The following ZNF536 variants were observed in gnomAD, a reference collection of about 807,000 sequenced individuals.
ZNF536 encodes zinc finger protein 536.
In ZNF536, 13 loss-of-function variants were observed where a neutral mutation model predicts 84.5. The ratio of observed to expected loss-of-function variants is 0.15; its 90% confidence interval spans 0.10 to 0.24. The LOEUF (loss-of-function observed/expected upper bound fraction) is 0.24. ZNF536 is among the 10% of genes least tolerant of loss of function. ZNF536 has a pLI of 1.00. For missense variants in ZNF536, 1,536 were observed against 1,747.5 expected, an observed-to-expected ratio of 0.88 and a Z score of 2.16; for synonymous variants, 811 against 742.5, an observed-to-expected ratio of 1.09 and a Z score of -1.50.
At chr19:30,276,187 A>G (rs1166801219) in intron 1 of ZNF536, among the ~76,000 whole-genome samples, 1 of 152,170 alleles carries the variant, frequency 6.6e-6, no homozygotes, top group Non-Finnish European at 1.5e-5. Context: ...AGGGGACACC[A>G]AGTGTTTCAG....
chr19:30,656,559 T>G (rs544403459), intron 1 of ZNF536, among the ~76,000 whole-genome samples: 2 of 152,290 alleles, frequency 1.3e-5, no homozygotes, highest in East Asian at 3.9e-4. Context: ...ACCGGAGCAG[T>G]GAGGTTAGTT....
At chr19:30,631,385 C>A (rs1319218079) in intron 1 of ZNF536, among the ~76,000 whole-genome samples, 4 of 152,174 alleles carry the variant, frequency 2.6e-5, no homozygotes, top group East Asian at 1.9e-4. Context: ...ATCCTGCAGG[C>A]CGAGAGGCTG....
At chr19:30,515,573 A>G (rs1467645494) in intron 2 of ZNF536, among the ~76,000 whole-genome samples, 3 of 152,174 alleles carry the variant, frequency 2.0e-5, no homozygotes, top group Admixed American at 1.3e-4. Context: ...CAGCAGCAGG[A>G]AGGCACCTCA....
chr19:30,697,841 A>G (rs556024545), intron 1 of ZNF536, among the ~76,000 whole-genome samples: 2 of 152,252 alleles, frequency 1.3e-5, no homozygotes, highest in African/African-American at 4.8e-5. Context: ...TCGTGTCAAC[A>G]GAAGTTAAGT....
At chr19:30,237,548 G>A (rs988756429) in intron 1 of ZNF536, among the ~76,000 whole-genome samples, 3 of 152,154 alleles carry the variant, frequency 2.0e-5, no homozygotes, top group African/African-American at 2.4e-5. Context: ...CTGGACTGTG[G>A]GGGCCAAGGC....
At chr19:30,449,493 A>C (rs780106840) in intron 2 of ZNF536, among the ~76,000 whole-genome samples, 110 of 152,206 alleles carry the variant, frequency 7.2e-4, no homozygotes, top group Non-Finnish European at 1.1e-3. Flanking sequence ...AATCACACTC[A>C]GAATAATTAA....
intron 3 of ZNF536, among the ~76,000 whole-genome samples, chr19:30,364,956 A>G (rs930959993): frequency 6.6e-6 from 1 of 152,208 alleles, no homozygotes; most frequent in East Asian, 1.9e-4. Context: ...GTAAAATGTT[A>G]GTTTGTTCAA....
At chr19:30,546,476 C>T (rs1013997836) in intron 3 of ZNF536, among the ~76,000 whole-genome samples, 1 of 152,182 alleles carries the variant, frequency 6.6e-6, no homozygotes, top group Admixed American at 6.5e-5. Context: ...AGGGTAACCA[C>T]GGTTCTGGCA....
intron 1 of ZNF536, among the ~76,000 whole-genome samples, chr19:30,704,435 T>C (rs539039644): frequency 1.3e-5 from 2 of 151,548 alleles, no homozygotes; most frequent in Admixed American, 6.6e-5. Context: ...TCACCTGAGG[T>C]CAGGAGTTCG....
chr19:30,311,169 T>C (rs940383582), intron 2 of ZNF536, among the ~76,000 whole-genome samples: 3 of 152,260 alleles, frequency 2.0e-5, no homozygotes, highest in African/African-American at 7.2e-5. Context: ...CTGTGCTTCC[T>C]GGGGCTGTGT....
intron 2 of ZNF536, among the ~76,000 whole-genome samples, chr19:30,342,397 C>A (rs932938839): frequency 2.6e-5 from 4 of 152,220 alleles, no homozygotes; most frequent in African/African-American, 9.6e-5. Context: ...AAGATATTTT[C>A]TTGAGATCAT....
chr19:30,242,506 G>A (rs1355706871), intron 1 of ZNF536, among the ~76,000 whole-genome samples: 2 of 152,154 alleles, frequency 1.3e-5, no homozygotes, highest in Non-Finnish European at 2.9e-5. Context: ...TCTTTCCTAC[G>A]CATGGCTGCA....
At chr19:30,543,361 G>T (rs1349460838) in intron 3 of ZNF536, among the ~76,000 whole-genome samples, 2 of 152,210 alleles carry the variant, frequency 1.3e-5, no homozygotes, top group Non-Finnish European at 2.9e-5. Flanking sequence ...TCAGTAGATG[G>T]GACTCATTTA....
chr19:30,542,243 C>T (rs2045359902), intron 3 of ZNF536, among the ~76,000 whole-genome samples: 1 of 152,168 alleles, frequency 6.6e-6, no homozygotes, highest in Admixed American at 6.5e-5. Context: ...TCTAGAATAA[C>T]TCCCTGGAAC....
chr19:30,428,351 C>T (rs2051303635), intron 1 of ZNF536, among the ~76,000 whole-genome samples: 1 of 152,186 alleles, frequency 6.6e-6, no homozygotes, highest in Non-Finnish European at 1.5e-5. Flanking sequence ...CTCATCTTCC[C>T]AGGTACATTA....
chr19:30,354,632 A>T (rs1239911279), intron 3 of ZNF536, among the ~76,000 whole-genome samples: 1 of 152,234 alleles, frequency 6.6e-6, no homozygotes, highest in African/African-American at 2.4e-5. Flanking sequence ...ACATAAAGGT[A>T]GGGAGATTTT....
chr19:30,609,773 C>CCTATCCATCCACCCATCTACCCATCCAT (rs2048025141), intron 1 of ZNF536, among the ~76,000 whole-genome samples: 1 of 136,752 alleles, frequency 7.3e-6, no homozygotes, highest in Admixed American at 7.2e-5. Context: ...CACCCATCTA[C>CCTATCCATCCACCCATCTACCCATCCAT]CCATCCATCC....
chr19:30,250,317 C>T (rs910057197), intron 1 of ZNF536, among the ~76,000 whole-genome samples: 2 of 152,158 alleles, frequency 1.3e-5, no homozygotes, highest in Admixed American at 6.5e-5. Context: ...TTGTTGACGC[C>T]GAGGTCTGTG....
At chr19:30,456,551 G>A (rs1464589647) in intron 2 of ZNF536, among the ~76,000 whole-genome samples, 3 of 151,994 alleles carry the variant, frequency 2.0e-5, no homozygotes, top group Admixed American at 6.5e-5. Flanking sequence ...AAATCCCCTC[G>A]TAAGATTGTA....
Sources: allele counts gnomAD v4.1 joint callset (sites outside exome capture counted in the v4.1 genomes callset), GRCh38; gene constraint gnomAD v4.1.1; transcripts MANE v1.5; gene names NCBI Gene and HGNC (gene_info 2026-07-23, HGNC 2026-07-21).